CRADD: variants seen among roughly 807,000 people sequenced by gnomAD.
CRADD encodes CARD and death domain containing adaptor protein, also known as death domain-containing protein CRADD.
Under a neutral mutation model 15.5 loss-of-function variants are expected in CRADD, and 9 were observed. The ratio of observed to expected loss-of-function variants is 0.58; its 90% CI spans 0.35 to 1.01. CRADD has a LOEUF of 1.01. CRADD is among the 50% of genes least tolerant of loss of function. The pLI is 0.02. For missense variants in CRADD, 227 were observed against 250.3 expected (o/e 0.91, Z 0.63); for synonymous variants, 118 against 107.6 (o/e 1.10, Z -0.60).
intron 2 of CRADD, among the ~76,000 whole-genome samples, chr12:93,686,573 C>T (rs1242736789): frequency 6.6e-6 from 1 of 152,098 alleles, no homozygotes; most frequent in Non-Finnish European, 1.5e-5. Flanking sequence ...TTTCAAAATT[C>T]GTAAGTTCTC....
chr12:93,873,680 T>G (rs1417376097), intron 2 of CRADD, among the ~76,000 whole-genome samples: 1 of 152,218 alleles, frequency 6.6e-6, no homozygotes, highest in Non-Finnish European at 1.5e-5. Flanking sequence ...ATATAGTTTT[T>G]ACCTTTCATT....
downstream of CRADD, among the ~76,000 whole-genome samples, chr12:93,850,917 G>A (rs184646110): frequency 1.3e-5 from 2 of 152,184 alleles, no homozygotes; most frequent in East Asian, 3.9e-4. The surrounding 1 kb of genome is among the most constrained non-coding windows in gnomAD (Gnocchi z 4.0). Context: ...CAGGATGTCT[G>A]TATTAAATAT....
At chr12:93,775,769 T>G (rs994765701) in intron 2 of CRADD, among the ~76,000 whole-genome samples, 1 of 152,052 alleles carries the variant, frequency 6.6e-6, no homozygotes, top group African/African-American at 2.4e-5. Flanking sequence ...ATGAAACAGG[T>G]GATGTTCATT....
intron 2 of CRADD, among the ~76,000 whole-genome samples, chr12:93,842,031 A>T (rs1006536795): frequency 6.6e-6 from 1 of 152,184 alleles, no homozygotes; most frequent in Admixed American, 6.5e-5. Context: ...ATCTCCTCTC[A>T]TATCACAAAA....
chr12:93,782,366 T>C (rs1354789541), intron 2 of CRADD, among the ~76,000 whole-genome samples: 6 of 142,282 alleles, frequency 4.2e-5, no homozygotes, highest in Admixed American at 3.5e-4. Context: ...GGGGGAGGGA[T>C]AGCATTAGGA....
chr12:93,890,264 A>C (rs1319933709), intron 2 of CRADD, among the ~76,000 whole-genome samples: 1 of 152,216 alleles, frequency 6.6e-6, no homozygotes, highest in African/African-American at 2.4e-5. Context: ...TGAAGGTTTA[A>C]AGAGAAAAAA....
At chr12:93,867,468 A>G (rs1320891737) in intron 2 of CRADD, among the ~76,000 whole-genome samples, 1 of 143,494 alleles carries the variant, frequency 7.0e-6, no homozygotes. Flanking sequence ...CCAATATGTA[A>G]TTTGCTCTCT....
chr12:93,718,637 A>C (rs558355551), intron 2 of CRADD, among the ~76,000 whole-genome samples: 1 of 152,142 alleles, frequency 6.6e-6, no homozygotes, highest in South Asian at 2.1e-4. Context: ...TAATCTACAT[A>C]CCTTTTGTTT....
intron 2 of CRADD, among the ~76,000 whole-genome samples, chr12:93,778,557 C>A (rs1957164610): frequency 6.6e-6 from 1 of 152,140 alleles, no homozygotes; most frequent in Admixed American, 6.5e-5. Flanking sequence ...TAGCTGATTT[C>A]TTGAAATACA....
intron 2 of CRADD, among the ~76,000 whole-genome samples, chr12:93,740,038 A>G (rs532044416): frequency 3.3e-5 from 5 of 152,252 alleles, no homozygotes; most frequent in African/African-American, 7.2e-5. Context: ...ATTTTAGAAA[A>G]CATCATAAAC....
At position 93,733,226 on chromosome 12, in the gene CRADD, G is replaced by A. The variant is rs114784847; in HGVS notation, c.298+54154G>A. Among the ~76,000 whole-genome samples, 668 of 152,176 alleles carry A rather than the reference G, an allele frequency of 4.4e-3. 8 individuals are homozygous for A. The highest frequency in any genetic ancestry group is 0.015 in the African/African-American group (639 of 41,512). ...CCTCTTCTCTTTTTTATCTTTAGTT[G>A]TAATTCTTTAAGAAATTGGGTACAC... On this transcript the variant is annotated intron_variant, in intron 2 of 2. Transcript: ENST00000332896.
chr12:93,788,486 C>A (rs766937028), intron 2 of CRADD, among the ~76,000 whole-genome samples: 9 of 152,122 alleles, frequency 5.9e-5, no homozygotes, highest in Non-Finnish European at 1.0e-4. Context: ...TCTCTGAGGC[C>A]CAGTGGTGGC....
downstream of CRADD, among the ~76,000 whole-genome samples, chr12:93,853,250 T>C (rs1958243436): frequency 1.3e-5 from 2 of 152,236 alleles, no homozygotes; most frequent in African/African-American, 2.4e-5. Flanking sequence ...AAATGATCTT[T>C]ATATTCATGG....
intron 2 of CRADD, among the ~76,000 whole-genome samples, chr12:93,783,963 C>G (rs1957242259): frequency 6.6e-6 from 1 of 152,146 alleles, no homozygotes. Context: ...ATGTCAGAAC[C>G]AGACATCAGT....
At chr12:93,871,858 T>TTGTA (rs1362415319) in intron 2 of CRADD, among the ~76,000 whole-genome samples, 4 of 152,234 alleles carry the variant, frequency 2.6e-5, no homozygotes, top group African/African-American at 9.6e-5. Flanking sequence ...TTGTAGACAG[T>TTGTA]GCTGCAACAA....
chr12:93,738,057 C>T, intron 2 of CRADD: 1 of 464,088 alleles, frequency 2.2e-6, no homozygotes, highest in Non-Finnish European at 3.7e-6. Context: ...ATAAACAGGT[C>T]CCTTTCTATT....
intron 2 of CRADD, among the ~76,000 whole-genome samples, chr12:93,859,965 A>G (rs1257554501): frequency 6.6e-6 from 1 of 151,686 alleles, no homozygotes; most frequent in Non-Finnish European, 1.5e-5. Flanking sequence ...CCTGGGCTCA[A>G]GCCATCCTCC....
intron 2 of CRADD, among the ~76,000 whole-genome samples, chr12:93,795,334 G>C (rs1957402339): frequency 6.6e-6 from 1 of 152,184 alleles, no homozygotes; most frequent in African/African-American, 2.4e-5. Flanking sequence ...CATCTGGACT[G>C]TGTGCTTGCA....
At chr12:93,816,362 G>A (rs1327423826) in intron 2 of CRADD, among the ~76,000 whole-genome samples, 4 of 149,838 alleles carry the variant, frequency 2.7e-5, no homozygotes, top group South Asian at 2.1e-4. Flanking sequence ...GATTACAGGC[G>A]TGTGCCGTGA....
Sources: gnomAD v4.1 joint callset for allele counts (sites outside exome capture counted in the v4.1 genomes callset) on GRCh38, gnomAD v4.1.1 for gene constraint, Gnocchi (gnomAD v3.1) non-coding constraint, MANE v1.5 for transcripts, NCBI Gene and HGNC (gene_info 2026-07-23, HGNC 2026-07-21) for gene names.